LRRC40: variants seen among roughly 807,000 people sequenced by gnomAD.
LRRC40 encodes the protein leucine rich repeat containing 40.
LRRC40 carries 76 observed loss-of-function variants against 72.8 expected under a neutral mutation model. That is an observed-to-expected ratio of 1.04 (90% CI 0.87 to 1.26). LRRC40 has a LOEUF of 1.26. Ranked by LOEUF, LRRC40 falls within the 50% of genes most tolerant of loss-of-function variation. The pLI is 0.00. For missense variants in LRRC40, 684 were observed against 698.9 expected, an observed-to-expected ratio of 0.98 and a Z score of 0.24; for synonymous variants, 243 against 254.2, an observed-to-expected ratio of 0.96 and a Z score of 0.42.
rs369080643 is a variant in LRRC40, at chr1:70,175,870, T to G, written c.917A>C (p.Asp306Ala). Residue 306 changes from aspartate to alanine, a missense_variant, in exon 7 of 15, where the codon GAT becomes GCT. Transcript: ENST00000370952. ...CAAGGACCGTAGTAGTATAATTTCA[T>G]CTGGAACAGATTTTAACTTGTTATC... ...LRDNKLKSVP[D>A]EIILLRSLER... The G allele has an allele frequency of 2.1e-4, 344 of 1,600,988 alleles. 3 individuals carry two copies. The South Asian group carries it at 3.6e-3, about 17-fold the overall frequency.
chr1:70,160,168 T>C (rs1667725872), intron 9 of LRRC40, among the ~76,000 whole-genome samples: 1 of 152,176 alleles, frequency 6.6e-6, no homozygotes, highest in East Asian at 1.9e-4. Context: ...AATAAGACTA[T>C]CACTTTTCAA....
chr1:70,172,203 CA>C (rs962241819), intron 9 of LRRC40, among the ~76,000 whole-genome samples: 1 of 152,132 alleles, frequency 6.6e-6, no homozygotes, highest in Non-Finnish European at 1.5e-5. Context: ...AGGTCCTTAC[CA>C]GACACCAAAT....
At chr1:70,181,296 G>A in intron 4 of LRRC40, 87 bp from the exon 5 acceptor site, 1 of 801,326 alleles carries the variant, frequency 1.2e-6, no homozygotes, top group Non-Finnish European at 1.8e-6. Context: ...AATTTTTGAA[G>A]GAATTACAAC....
chr1:70,153,530 G>C (rs910087370), intron 11 of LRRC40, among the ~76,000 whole-genome samples: 2 of 151,892 alleles, frequency 1.3e-5, no homozygotes, highest in South Asian at 2.1e-4. Flanking sequence ...TTGATATATC[G>C]AGTCAAACTC....
At chr1:70,170,691 AC>A (rs1667982600) in intron 9 of LRRC40, among the ~76,000 whole-genome samples, 2 of 152,198 alleles carry the variant, frequency 1.3e-5, no homozygotes, top group Non-Finnish European at 2.9e-5. Flanking sequence ...CAGTCTGAAA[AC>A]TATAAAACAT....
chr1:70,167,551 CTCTG>C (rs1001938651), intron 9 of LRRC40, among the ~76,000 whole-genome samples: 62 of 152,212 alleles, frequency 4.1e-4, no homozygotes, highest in African/African-American at 1.4e-3. Flanking sequence ...CAGAATGAGA[CTCTG>C]TCTGAAAACA....
At chr1:70,154,441 A>G (rs1285975546) in intron 11 of LRRC40, among the ~76,000 whole-genome samples, 1 of 152,176 alleles carries the variant, frequency 6.6e-6, no homozygotes, top group African/African-American at 2.4e-5. Context: ...TATTTGATCC[A>G]GGACCCCCCG....
chr1:70,178,426 C>T (rs1282738124), intron 6 of LRRC40, among the ~76,000 whole-genome samples: 1 of 152,080 alleles, frequency 6.6e-6, no homozygotes, highest in African/African-American at 2.4e-5. Context: ...ATTTACAAGA[C>T]ACCATTAATT....
rs567246849 is a variant in LRRC40 at position 70,196,313 on chromosome 1, A to AC, written c.152-7041dup. On this transcript the variant is annotated intron_variant, in intron 1 of 14. Coordinates refer to ENST00000370952, the MANE Select transcript of LRRC40 (RefSeq NM_017768.5). The stretch of plus-strand genomic sequence containing the variant: ...GCCCATAATTGCAGCACTTTGGGAG[A>AC]CCATAGCAGGAGGATCATTTGAGCC... 3.5e-3 allele frequency among the ~76,000 whole-genome samples: 535 copies of AC among 152,218 alleles called. 6 individuals are homozygous for AC. The highest frequency in any genetic ancestry group is 0.012 in the African/African-American group (513 of 41,540).
intron 2 of LRRC40, among the ~76,000 whole-genome samples, chr1:70,188,569 C>G (rs1191738847): frequency 6.6e-6 from 1 of 151,840 alleles, no homozygotes; most frequent in Non-Finnish European, 1.5e-5. Context: ...ACCCTCATCT[C>G]TACACACACA....
chr1:70,161,090 T>C (rs1156767388), intron 9 of LRRC40, among the ~76,000 whole-genome samples: 2 of 141,680 alleles, frequency 1.4e-5, no homozygotes, highest in African/African-American at 5.1e-5. Flanking sequence ...TATCTCATTA[T>C]TTTTTTTTTT....
intron 1 of LRRC40, among the ~76,000 whole-genome samples, chr1:70,189,660 T>A (rs1468605556): frequency 6.6e-6 from 1 of 152,158 alleles, no homozygotes; most frequent in Non-Finnish European, 1.5e-5. Flanking sequence ...GTATATGTAA[T>A]AACTTTTATA....
intron 6 of LRRC40, among the ~76,000 whole-genome samples, chr1:70,176,861 T>C (rs1274574746): frequency 6.6e-6 from 1 of 152,234 alleles, no homozygotes; most frequent in Non-Finnish European, 1.5e-5. Context: ...TATATGTAGA[T>C]ACTAGTTTAT....
chr1:70,177,101 C>T (rs1310474671), intron 6 of LRRC40, among the ~76,000 whole-genome samples: 4 of 152,040 alleles, frequency 2.6e-5, no homozygotes, highest in Non-Finnish European at 5.9e-5. Context: ...CATGGCGAAA[C>T]CCCATCTCTA....
intron 11 of LRRC40, among the ~76,000 whole-genome samples, chr1:70,155,047 T>C (rs950009301): frequency 6.6e-6 from 1 of 152,152 alleles, no homozygotes; most frequent in Non-Finnish European, 1.5e-5. Context: ...TTTGGGTATA[T>C]AGTTTACTGC....
At position 70,205,504 on chromosome 1, in the gene LRRC40, G is replaced by A. The variant is rs1284438900; in HGVS notation, c.37C>T (p.Arg13Cys). The A allele has an allele frequency of 1.2e-6, 2 of 1,604,016 alleles. No individual in the cohort carries two copies. The highest frequency in any genetic ancestry group is 1.7e-6 in the Non-Finnish European group (2 of 1,172,164). ...RLKRIAGQDL[R>C]AGFKAGGRDC... ...CTTCCACCTGCTTTGAAACCAGCGC[G>A]GAGATCCTGCCCCGCTATCCGCTTC... The change falls in exon 1 of 15, where the codon CGC becomes TGC. Residue 13 changes from arginine to cysteine, a missense_variant. Transcript: ENST00000370952.
At chr1:70,155,833 TAGC>T (rs1337435286) in intron 10 of LRRC40, 37 bp from the exon 11 acceptor site, 3 of 940,406 alleles carry the variant, frequency 3.2e-6, no homozygotes, top group Admixed American at 4.3e-5. Context: ...GAACCATTCT[TAGC>T]AGTCCAAAAA....
At chr1:70,161,755 C>A (rs1667769002) in intron 9 of LRRC40, among the ~76,000 whole-genome samples, 1 of 152,036 alleles carries the variant, frequency 6.6e-6, no homozygotes, top group South Asian at 2.1e-4. Context: ...TTGATCCTGT[C>A]TCTTAGAAAT....
chr1:70,152,478 G>T lies in LRRC40; in HGVS notation c.1394C>A (p.Ser465Tyr). The T allele has an allele frequency of 6.2e-7, 1 of 1,606,970 alleles. No homozygotes were observed. The highest frequency in any genetic ancestry group is 8.5e-7 in the Non-Finnish European group (1 of 1,174,226). Residue 465 changes from serine (S) to tyrosine (Y), a missense_variant, in exon 12 of 15, where the codon TCC (serine) becomes TAC (tyrosine). Physicochemically the swap from Ser to Tyr is moderately radical, Grantham distance 144. Transcript: ENST00000370952. Reference sequence around the variant, plus strand: ...TTTCTGAAGCACACATAACTCCAAGGATATAAAGGAAAGTTTATTAAAACT... The same window carrying T: ...TTTCTGAAGCACACATAACTCCAAGTATATAAAGGAAAGTTTATTAAAACT... ...DLSFNKLSFI[S>Y]LELCVLQKLT...
Sources: gnomAD v4.1 joint callset for allele counts (sites outside exome capture counted in the v4.1 genomes callset) on GRCh38, gnomAD v4.1.1 for gene constraint, MANE v1.5 for transcripts, NCBI Gene and HGNC (gene_info 2026-07-23, HGNC 2026-07-21) for gene names.